FER: variants seen among roughly 807,000 people sequenced by gnomAD.
FER encodes FER tyrosine kinase.
FER carries 63 observed loss-of-function variants against 111.0 expected under a neutral mutation model. The ratio of observed to expected loss-of-function variants is 0.57; its 90% CI spans 0.46 to 0.70. FER has a LOEUF of 0.70. FER is among the 30% of genes least tolerant of loss of function. FER has a pLI of 0.00. For synonymous variants in FER, 327 were observed against 313.9 expected, an observed-to-expected ratio of 1.04 and a Z score of -0.44; for missense variants, 914 against 954.0, an observed-to-expected ratio of 0.96 and a Z score of 0.55.
chr5:108,809,429 A>G (rs1319235262), intron 3 of FER, among the ~76,000 whole-genome samples: 2 of 152,104 alleles, frequency 1.3e-5, no homozygotes, highest in East Asian at 3.8e-4. Flanking sequence ...GCTCTGACTG[A>G]TTTCTCTTTA....
At chr5:109,077,395 A>C (rs543490163) in intron 16 of FER, among the ~76,000 whole-genome samples, 1 of 152,346 alleles carries the variant, frequency 6.6e-6, no homozygotes, top group East Asian at 1.9e-4. Context: ...AAAATACCTT[A>C]AGGTAACATA....
At chr5:108,754,398 C>G (rs1178270751) in intron 1 of FER, among the ~76,000 whole-genome samples, 4 of 132,944 alleles carry the variant, frequency 3.0e-5, no homozygotes, top group African/African-American at 1.2e-4. Flanking sequence ...CAGAGTGAGT[C>G]CCTGTCTCAA....
intron 2 of FER, among the ~76,000 whole-genome samples, chr5:108,789,510 A>G (rs887928377): frequency 9.9e-5 from 15 of 151,956 alleles, no homozygotes; most frequent in Non-Finnish European, 7.4e-5. Context: ...TTTCTGGGTT[A>G]TTCCAGCTTT....
rs147301379 is a variant in FER at position 108,967,829 on chromosome 5, A to C, written c.1656+8482A>C. On this transcript the variant is annotated intron_variant, in intron 13 of 19. Transcript: ENST00000281092. The stretch of plus-strand genomic sequence containing the variant: ...TGAGTAAAACAGGTGAAAGGTGGGG[A>C]AAGTGTGCCAAATGGGAAGACAGGC... 9.9e-3 allele frequency among the ~76,000 whole-genome samples: 1,488 copies of C among 149,862 alleles called. 21 individuals are homozygous for C. The highest frequency in any genetic ancestry group is 0.035 in the African/African-American group (1,416 of 40,478).
chr5:108,863,106 T>A (rs1432962892), intron 5 of FER, among the ~76,000 whole-genome samples: 1 of 152,118 alleles, frequency 6.6e-6, no homozygotes, highest in African/African-American at 2.4e-5. Flanking sequence ...GCCATAGATA[T>A]GTCAGTTGCA....
chr5:108,907,191 T>A (rs1338755825), intron 10 of FER, among the ~76,000 whole-genome samples: 2 of 152,162 alleles, frequency 1.3e-5, no homozygotes, highest in Non-Finnish European at 1.5e-5. Flanking sequence ...TCCTTTTATT[T>A]CCCCTTTTTC....
chr5:108,858,766 A>ATTTTTTTTTTTTTTTTTTTTTTTTTTTTC (rs75243334), intron 5 of FER, among the ~76,000 whole-genome samples: 1 of 124,732 alleles, frequency 8.0e-6, no homozygotes, highest in Non-Finnish European at 1.7e-5. Flanking sequence ...CAGTTTTTTC[A>ATTTTTTTTTTTTTTTTTTTTTTTTTTTTC]TTTTTTTTTT....
chr5:108,822,849 GCGC>G lies in FER; in HGVS notation c.208-9919_208-9917del, dbSNP rs1366367430. On this transcript the variant is annotated intron_variant, in intron 3 of 19. Coordinates refer to ENST00000281092, the MANE Select transcript of FER (RefSeq NM_005246.4). ...CTGTCGCCTAGGCTGGAATACAGTG[GCGC>G]CATCTCGGCTCACTGCAGCCTCTGC... Among the ~76,000 whole-genome samples the G allele has an allele frequency of 1.1e-3, 169 of 151,182 alleles. 2 individuals are homozygous for G. Among genetic ancestry groups the G allele is most frequent in the African/African-American group, 3.8e-3 (156 of 41,084 alleles).
intron 13 of FER, among the ~76,000 whole-genome samples, chr5:109,025,625 C>A (rs1037995625): frequency 1.4e-5 from 2 of 146,810 alleles, no homozygotes; most frequent in African/African-American, 5.0e-5. Context: ...CTTCTCCTGC[C>A]TAATTGCCCT....
intron 9 of FER, among the ~76,000 whole-genome samples, chr5:108,890,257 T>G (rs1320726418): frequency 6.6e-6 from 1 of 152,134 alleles, no homozygotes; most frequent in Non-Finnish European, 1.5e-5. Flanking sequence ...CATTCCTTTT[T>G]ACTGTTGAGT....
intron 16 of FER, among the ~76,000 whole-genome samples, chr5:109,070,501 G>A (rs1304892766): frequency 2.0e-5 from 3 of 151,920 alleles, no homozygotes; most frequent in South Asian, 2.1e-4. Context: ...TCCCTGTGAC[G>A]AGCAAGATAA....
At chr5:109,183,273 G>GAGTT (rs1758482154) in intron 18 of FER, among the ~76,000 whole-genome samples, 1 of 113,490 alleles carries the variant, frequency 8.8e-6, no homozygotes, top group Non-Finnish European at 1.8e-5. Context: ...TTTTGAGATG[G>GAGTT]AGTTTTGCTC....
intron 16 of FER, among the ~76,000 whole-genome samples, chr5:109,069,043 C>G (rs1422104680): frequency 6.6e-6 from 1 of 151,984 alleles, no homozygotes; most frequent in Non-Finnish European, 1.5e-5. Flanking sequence ...TTTCTTCCTA[C>G]TAGACTATTA....
intron 13 of FER, among the ~76,000 whole-genome samples, chr5:109,001,642 T>C (rs188888053): frequency 6.6e-6 from 1 of 151,962 alleles, no homozygotes; most frequent in Non-Finnish European, 1.5e-5. Flanking sequence ...AGGGCAATTA[T>C]GCAGGAGAAG....
intron 3 of FER, among the ~76,000 whole-genome samples, chr5:108,822,378 G>C (rs1758943995): frequency 6.6e-6 from 1 of 152,180 alleles, no homozygotes; most frequent in South Asian, 2.1e-4. Context: ...TAAAGAAAGA[G>C]GTTTATTTAG....
chr5:108,989,950 G>A (rs190267376), intron 13 of FER, among the ~76,000 whole-genome samples: 5 of 151,848 alleles, frequency 3.3e-5, no homozygotes, highest in African/African-American at 7.2e-5. Context: ...TTTCCCTCTA[G>A]TCAGTCTCAG....
intron 2 of FER, among the ~76,000 whole-genome samples, chr5:108,794,977 C>T (rs1452913623): frequency 1.3e-5 from 2 of 152,184 alleles, no homozygotes; most frequent in East Asian, 1.9e-4. Context: ...AAACTTTCTA[C>T]CCCTATCTCT....
intron 13 of FER, among the ~76,000 whole-genome samples, chr5:109,002,826 A>G (rs1224822652): frequency 1.3e-5 from 2 of 152,254 alleles, no homozygotes; most frequent in East Asian, 3.8e-4. Context: ...ACACTTCTCA[A>G]AAGAAGACAT....
chr5:109,041,183 G>T (rs1581761389), intron 14 of FER, among the ~76,000 whole-genome samples: 1 of 152,122 alleles, frequency 6.6e-6, no homozygotes, highest in South Asian at 2.1e-4. Flanking sequence ...CATGATTATG[G>T]TTTTTCTCCA....
Sources: gnomAD v4.1 joint callset for allele counts (sites outside exome capture counted in the v4.1 genomes callset) on GRCh38, gnomAD v4.1.1 for gene constraint, MANE v1.5 for transcripts, NCBI Gene and HGNC (gene_info 2026-07-23, HGNC 2026-07-21) for gene names.